ECT2L: variants seen among roughly 807,000 people sequenced by gnomAD.
ECT2L encodes epithelial cell-transforming sequence 2 oncogene-like.
In ECT2L, 126 loss-of-function variants were observed where a neutral mutation model predicts 122.8. The observed-to-expected ratio is 1.03, with a 90% CI of 0.89 to 1.19. The LOEUF (loss-of-function observed/expected upper bound fraction) is 1.19. Ranked by LOEUF, ECT2L falls within the 50% of genes most tolerant of loss-of-function variation. The pLI, the probability that ECT2L is intolerant of heterozygous loss-of-function variation, is 0.00. For missense variants in ECT2L, 1,012 were observed against 1,064.1 expected, an observed-to-expected ratio of 0.95 and a Z score of 0.68; for synonymous variants, 385 against 381.8, an observed-to-expected ratio of 1.01 and a Z score of -0.10.
At chr6:138,880,191 T>C (rs1778595948) in intron 14 of ECT2L, among the ~76,000 whole-genome samples, 1 of 152,208 alleles carries the variant, frequency 6.6e-6, no homozygotes, top group Non-Finnish European at 1.5e-5. Flanking sequence ...TTCATGCTGC[T>C]GCAGTAGAAT....
At chr6:138,837,341 CCTT>C (rs940283872) in intron 4 of ECT2L, among the ~76,000 whole-genome samples, 2 of 152,128 alleles carry the variant, frequency 1.3e-5, no homozygotes, top group African/African-American at 2.4e-5. Context: ...GCAATCGTCT[CCTT>C]CTCCCCTTCT....
At chr6:138,856,446 C>T (rs1359302603) in intron 10 of ECT2L, among the ~76,000 whole-genome samples, 1 of 152,050 alleles carries the variant, frequency 6.6e-6, no homozygotes, top group Non-Finnish European at 1.5e-5. Context: ...AACTTCTGAC[C>T]TCATGATCCG....
At chr6:138,805,522 G>T (rs2128369621) in intron 1 of ECT2L, among the ~76,000 whole-genome samples, 1 of 152,272 alleles carries the variant, frequency 6.6e-6, no homozygotes, top group African/African-American at 2.4e-5. Context: ...AATTCTATGG[G>T]TTGGCTGGCC....
At chr6:138,861,269 G>T (rs59245039) in intron 10 of ECT2L, among the ~76,000 whole-genome samples, 5,583 of 152,162 alleles carry the variant, frequency 0.037, 349 homozygotes, top group African/African-American at 0.13. Context: ...GGGTCAAATG[G>T]TATTTCTGGT....
chr6:138,855,678 T>C (rs1777588459), intron 10 of ECT2L, among the ~76,000 whole-genome samples: 1 of 152,208 alleles, frequency 6.6e-6, no homozygotes, highest in Non-Finnish European at 1.5e-5. Flanking sequence ...GTTTAAAACA[T>C]GCATATGTGT....
intron 21 of ECT2L, 33 bp from the exon 22 acceptor site, chr6:138,902,467 A>C (rs763353394): frequency 1.3e-6 from 2 of 1,575,588 alleles, no homozygotes; most frequent in South Asian, 2.4e-5. Context: ...TTATCTGCAA[A>C]GATTAATTAG....
intron 15 of ECT2L, among the ~76,000 whole-genome samples, chr6:138,881,812 G>A (rs533511587): frequency 1.2e-4 from 18 of 152,150 alleles, no homozygotes; most frequent in Middle Eastern, 3.4e-3. Flanking sequence ...AACAGGGAGC[G>A]GTTGTAAATA....
intron 10 of ECT2L, among the ~76,000 whole-genome samples, chr6:138,854,927 C>T (rs1310541048): frequency 6.6e-6 from 1 of 151,924 alleles, no homozygotes; most frequent in Non-Finnish European, 1.5e-5. Flanking sequence ...ACAATGTTTA[C>T]AAGGAGAGCA....
chr6:138,841,469 G>T (rs1043805877), intron 5 of ECT2L, among the ~76,000 whole-genome samples: 9 of 152,196 alleles, frequency 5.9e-5, no homozygotes, highest in African/African-American at 1.9e-4. Flanking sequence ...CTTTGTGAGA[G>T]TTTGTCTAAT....
In ECT2L at chr6:138,842,999, A is replaced by G; in HGVS notation, c.363A>G (p.Lys121=). ...LTEQDCLWMP[K]CVKFGWFLPY... ...TGAAGGATTGCTTATGGATGCCCAA[A>G]TGCGTTAAGTTCGGATGGTTTCTGC... The change falls in exon 6 of 22, where the codon AAA becomes AAG. Residue 121 remains lysine (K), a synonymous_variant. Transcript: ENST00000541398. 1 of 1,535,844 alleles carries G rather than the reference A, an allele frequency of 6.5e-7. No homozygotes were observed. Among genetic ancestry groups the G allele is most frequent in the East Asian group, 2.3e-5 (1 of 43,936 alleles).
chr6:138,857,362 T>A (rs1005992312), intron 10 of ECT2L, among the ~76,000 whole-genome samples: 1 of 152,180 alleles, frequency 6.6e-6, no homozygotes. Flanking sequence ...AGTTTCAGAC[T>A]CAGTTAAGTC....
chr6:138,862,535 C>A, intron 10 of ECT2L, 92 bp from the exon 11 acceptor site: 1 of 1,259,110 alleles, frequency 7.9e-7, no homozygotes, highest in Non-Finnish European at 1.1e-6. Context: ...TAGATTTCAA[C>A]ATGAGATTTG....
chr6:138,811,063 C>T (rs1775875056), intron 1 of ECT2L, among the ~76,000 whole-genome samples: 2 of 152,188 alleles, frequency 1.3e-5, no homozygotes, highest in African/African-American at 4.8e-5. Flanking sequence ...TGGTGACTTG[C>T]TTTTAACCAG....
At chr6:138,815,645 C>G (rs1776042855) in intron 4 of ECT2L, among the ~76,000 whole-genome samples, 1 of 152,216 alleles carries the variant, frequency 6.6e-6, no homozygotes, top group Admixed American at 6.5e-5. Flanking sequence ...ACAGAGGAGA[C>G]TGTGTGAAGT....
chr6:138,881,469 ATAT>A (rs1283390053), intron 15 of ECT2L, among the ~76,000 whole-genome samples: 1 of 152,080 alleles, frequency 6.6e-6, no homozygotes, highest in Non-Finnish European at 1.5e-5. Flanking sequence ...ATGGAAGACA[ATAT>A]TTACACAGAG....
chr6:138,858,619 T>C (rs112593145), intron 10 of ECT2L, among the ~76,000 whole-genome samples: 1,540 of 151,742 alleles, frequency 0.01, 28 homozygotes, highest in African/African-American at 0.035. Flanking sequence ...TTCTCTCTGC[T>C]GCTCCTCCCC....
intron 9 of ECT2L, among the ~76,000 whole-genome samples, chr6:138,850,252 C>G (rs897141320): frequency 3.3e-5 from 5 of 152,112 alleles, no homozygotes; most frequent in African/African-American, 1.2e-4. Context: ...TCAAGCGATT[C>G]TCCTGCCTCA....
intron 15 of ECT2L, among the ~76,000 whole-genome samples, chr6:138,881,489 TG>T (rs1298568403): frequency 6.6e-6 from 1 of 151,480 alleles, no homozygotes; most frequent in Non-Finnish European, 1.5e-5. Flanking sequence ...AGAGCAGGGG[TG>T]GGGGGAATGG....
intron 11 of ECT2L, among the ~76,000 whole-genome samples, chr6:138,863,379 A>T (rs986718180): frequency 1.3e-5 from 2 of 152,238 alleles, no homozygotes; most frequent in African/African-American, 4.8e-5. Context: ...AGGGCCTTTT[A>T]GAACTTGGGA....
Sources: gnomAD v4.1 joint callset for allele counts (sites outside exome capture counted in the v4.1 genomes callset) on GRCh38, gnomAD v4.1.1 for gene constraint, MANE v1.5 for transcripts, NCBI Gene and HGNC (gene_info 2026-07-23, HGNC 2026-07-21) for gene names.